Variants in COX7A2L observed in about 807,000 individuals in gnomAD.
The protein encoded by COX7A2L is cytochrome c oxidase subunit 7A2 like.
COX7A2L carries 18 observed loss-of-function variants against 14.2 expected under a neutral mutation model. The observed-to-expected ratio is 1.27, with a 90% CI of 0.88 to 1.88. COX7A2L has a LOEUF of 1.88. Ranked by LOEUF, COX7A2L falls within the 40% of genes most tolerant of loss-of-function variation. The probability of loss-of-function intolerance (pLI) is 0.00; values close to 1 mark genes in which losing one functional copy is unlikely to be tolerated. For synonymous variants in COX7A2L, 65 were observed against 57.4 expected, an observed-to-expected ratio of 1.13 and a Z score of -0.60; for missense variants, 179 against 138.8, an observed-to-expected ratio of 1.29 and a Z score of -1.46.
chr2:42,365,881 G>A (rs1353959176), upstream of COX7A2L: 8 of 152,078 alleles, frequency 5.3e-5, no homozygotes, highest in Admixed American at 5.2e-4. Context: ...AGCGCTGTTG[G>A]AGAAAAGAAT....
upstream of COX7A2L, chr2:42,365,769 A>C (rs1002701499): frequency 3.3e-5 from 5 of 152,224 alleles, no homozygotes; most frequent in Admixed American, 2.6e-4. Context: ...CGTAGATGTG[A>C]GGGGCCTCTT....
intron 1 of COX7A2L, among the ~76,000 whole-genome samples, chr2:42,353,629 T>G (rs1301053947): frequency 6.6e-6 from 1 of 152,202 alleles, no homozygotes; most frequent in African/African-American, 2.4e-5. Context: ...TTAGCTTTCA[T>G]GAGGGATCTG....
In COX7A2L at chr2:42,349,925, T is replaced by G. The variant is rs1670585765; in HGVS notation, c.*1294A>C. The G allele has an allele frequency of 6.6e-6, 1 of 152,156 alleles. No homozygotes were observed. The highest frequency in any genetic ancestry group is 1.5e-5 in the Non-Finnish European group (1 of 68,034). 9.4% of individuals were successfully genotyped at this position (152,156 alleles called of 1,614,324 possible). A position where few individuals can be genotyped will look rare whatever the true frequency, so the allele number is the denominator to read the frequency against. ...GTGAGAGAACAAGAAAAAGCAAAGG[T>G]GCCAATATATTGATAACTGGTGATC... On this transcript the variant is annotated 3_prime_UTR_variant, in exon 3 of 3. Coordinates refer to ENST00000234301, the MANE Select transcript of COX7A2L (RefSeq NM_004718.4).
chr2:42,356,775 A>G (rs544089971), intron 1 of COX7A2L, among the ~76,000 whole-genome samples: 1 of 152,190 alleles, frequency 6.6e-6, no homozygotes, highest in African/African-American at 2.4e-5. Flanking sequence ...AATATCAAAA[A>G]ATTAGCCAGG....
chr2:42,338,466 A>G lies in COX7A2L; in HGVS notation c.193-4597T>C, dbSNP rs192391213. On this transcript the variant is annotated intron_variant, in intron 2 of 2. Coordinates refer to the COX7A2L transcript ENST00000468711. The surrounding 1 kb of genome is among the most constrained non-coding windows in gnomAD (Gnocchi z 4.4). ...AGCGACAGGCCCCAGCTATGCTGGC[A>G]AGATCTGTGTTGATGTGGCCTGCCA... Among the ~76,000 whole-genome samples, 11 of 152,316 alleles carry G rather than the reference A, an allele frequency of 7.2e-5. No individual in the cohort carries two copies. The East Asian group carries it at 2.1e-3, about 29-fold the overall frequency.
downstream of COX7A2L, among the ~76,000 whole-genome samples, chr2:42,347,277 A>G (rs1462625512): frequency 6.6e-6 from 1 of 151,634 alleles, no homozygotes; most frequent in East Asian, 1.9e-4. Flanking sequence ...GGCACTCTCA[A>G]CACTGCTAGA....
At chr2:42,353,116 G>C in intron 2 of COX7A2L, 96 bp downstream of exon 2, 1 of 1,420,286 alleles carries the variant, frequency 7.0e-7, no homozygotes, top group South Asian at 1.3e-5. Flanking sequence ...AAAGAAGGAG[G>C]GTGGGTAGTA....
chr2:42,360,407 T>C (rs1670986731), intron 1 of COX7A2L, among the ~76,000 whole-genome samples: 1 of 152,156 alleles, frequency 6.6e-6, no homozygotes, highest in Admixed American at 6.5e-5. Flanking sequence ...CGTCTGGGGC[T>C]CTAAAATCCC....
At position 42,342,082 on chromosome 2, in the gene COX7A2L, C is replaced by T. The variant is rs1023906590; in HGVS notation, c.193-8213G>A. On this transcript the variant is annotated intron_variant, in intron 2 of 2. Transcript: ENST00000468711. The surrounding 1 kb of genome is among the most constrained non-coding windows in gnomAD (Gnocchi z 4.9). Reference sequence around the variant, plus strand: ...AACTGATTCTAGAGCATCTGACCTTCCCCACCCTCTCTAGTGGCGAGGCAC... The same window carrying T: ...AACTGATTCTAGAGCATCTGACCTTTCCCACCCTCTCTAGTGGCGAGGCAC... Among the ~76,000 whole-genome samples the T allele has an allele frequency of 4.6e-5, 7 of 152,164 alleles. No individual in the cohort carries two copies. The highest frequency in any genetic ancestry group is 7.2e-5 in the African/African-American group (3 of 41,436).
intron 1 of COX7A2L, among the ~76,000 whole-genome samples, chr2:42,354,263 G>C (rs1174877801): frequency 6.6e-6 from 1 of 151,920 alleles, no homozygotes; most frequent in Non-Finnish European, 1.5e-5. Context: ...TCTCAATAAA[G>C]CTGCTTTAAA....
intron 1 of COX7A2L, among the ~76,000 whole-genome samples, chr2:42,360,615 G>A (rs1480768541): frequency 6.6e-6 from 1 of 151,990 alleles, no homozygotes; most frequent in Non-Finnish European, 1.5e-5. Flanking sequence ...CCAGATCATA[G>A]CCCCCCAACC....
intron 2 of COX7A2L, among the ~76,000 whole-genome samples, chr2:42,351,596 G>A (rs893763975): frequency 1.3e-5 from 2 of 152,178 alleles, no homozygotes; most frequent in East Asian, 1.9e-4. Context: ...GATTCCAAAT[G>A]TCTAAGACAT....
At chr2:42,343,909 A>G (rs1670447462) in intron 2 of COX7A2L, among the ~76,000 whole-genome samples, 1 of 152,206 alleles carries the variant, frequency 6.6e-6, no homozygotes, top group African/African-American at 2.4e-5. Context: ...ACCTTACCCA[A>G]CAGCTTCACA....
upstream of COX7A2L, chr2:42,361,462 G>A: frequency 7.2e-6 from 2 of 278,330 alleles, no homozygotes; most frequent in Non-Finnish European, 1.4e-5. Context: ...GCAGTGCCAC[G>A]ACAACTCAAG....
intron 2 of COX7A2L, 75 bp from the exon 3 acceptor site, chr2:42,351,434 A>T: frequency 6.5e-7 from 1 of 1,546,338 alleles, no homozygotes; most frequent in Admixed American, 1.8e-5. Context: ...AAAATAACAA[A>T]TTTGTCTACT....
rs1387023872 is a variant in COX7A2L at position 42,339,468 on chromosome 2, C to T, written c.193-5599G>A. On this transcript the variant is annotated intron_variant, in intron 2 of 2. Transcript: ENST00000468711. The surrounding 1 kb of genome is among the most constrained non-coding windows in gnomAD (Gnocchi z 5.4). ...TACTCCTGCCTCTACAGAGCTGGCG[C>T]GGTGGCTTGAGCTCCAGGCATGTGA... Among the ~76,000 whole-genome samples the T allele has an allele frequency of 1.3e-5, 2 of 152,114 alleles. No individual in the cohort carries two copies. Among genetic ancestry groups the T allele is most frequent in the African/African-American group, 4.8e-5 (2 of 41,418 alleles).
chr2:42,356,040 TC>T (rs1042245789), intron 1 of COX7A2L, among the ~76,000 whole-genome samples: 1 of 152,114 alleles, frequency 6.6e-6, no homozygotes, highest in African/African-American at 2.4e-5. Context: ...CTGTTTTTTT[TC>T]CTTTTTGAGC....
chr2:42,336,488 C>A (rs745771557), intron 2 of COX7A2L, among the ~76,000 whole-genome samples: 1 of 152,160 alleles, frequency 6.6e-6, no homozygotes, highest in Non-Finnish European at 1.5e-5. Context: ...AAAGGAATTT[C>A]TTAATATGCA....
upstream of COX7A2L, among the ~76,000 whole-genome samples, chr2:42,363,007 T>G (rs1260949705): frequency 5.3e-5 from 8 of 151,854 alleles, 1 homozygote; most frequent in Admixed American, 2.0e-4. Flanking sequence ...CCCGGGTAGC[T>G]GGAACCACAG....
Sources: gnomAD v4.1 joint callset for allele counts (sites outside exome capture counted in the v4.1 genomes callset) on GRCh38, gnomAD v4.1.1 for gene constraint, Gnocchi (gnomAD v3.1) non-coding constraint, MANE v1.5 for transcripts, NCBI Gene and HGNC (gene_info 2026-07-23, HGNC 2026-07-21) for gene names.